FOXP2: variants seen among roughly 807,000 people sequenced by gnomAD.
FOXP2 encodes the protein forkhead box protein P2.
Under a neutral mutation model 115.8 loss-of-function variants are expected in FOXP2, and 12 were observed. That is an observed-to-expected ratio of 0.10 (90% CI 0.07 to 0.17). The LOEUF is 0.17. Ranked by LOEUF, FOXP2 falls within the 10% of genes least tolerant of loss-of-function variation. FOXP2 has a pLI of 1.00. For missense variants in FOXP2, 629 were observed against 843.5 expected (o/e 0.75, Z 3.15); for synonymous variants, 328 against 297.7 (o/e 1.10, Z -1.05).
intron 3 of FOXP2, among the ~76,000 whole-genome samples, chr7:114,586,057 T>C (rs901010091): frequency 1.3e-5 from 2 of 151,992 alleles, no homozygotes; most frequent in Non-Finnish European, 2.9e-5. Flanking sequence ...ACAAACCAAT[T>C]GTTTTGGGTA....
intron 1 of FOXP2, among the ~76,000 whole-genome samples, chr7:114,168,151 C>T (rs1793032649): frequency 6.6e-6 from 1 of 152,054 alleles, no homozygotes; most frequent in Non-Finnish European, 1.5e-5. Flanking sequence ...TGGACTAATA[C>T]AGTAAATTGG....
intron 1 of FOXP2, among the ~76,000 whole-genome samples, chr7:114,132,582 T>TGTGTGTGAGAGA (rs1554419465): frequency 5.4e-5 from 3 of 55,994 alleles, no homozygotes; most frequent in African/African-American, 2.4e-4. Context: ...TGTGTGTGTG[T>TGTGTGTGAGAGA]GAGAGAGAGA....
At chr7:114,457,876 G>A (rs562345815) in intron 2 of FOXP2, among the ~76,000 whole-genome samples, 42 of 142,746 alleles carry the variant, frequency 2.9e-4, no homozygotes, top group African/African-American at 1.0e-3. Context: ...CCAGCTGGGC[G>A]ACAGCGAGAC....
chr7:114,285,674 C>T (rs762664772), intron 1 of FOXP2, among the ~76,000 whole-genome samples: 13 of 152,038 alleles, frequency 8.6e-5, no homozygotes, highest in Admixed American at 5.3e-4. Flanking sequence ...CAAATTCATG[C>T]TCTTCTGATG....
chr7:114,301,680 T>G lies in FOXP2; in HGVS notation c.-11+13571T>G, dbSNP rs899578934. On this transcript the variant is annotated intron_variant, in intron 2 of 17. Transcript: ENST00000634411. ...GGCATTTTGCACTGGGTGTCTGTGA[T>G]CTCTTTTAAGTATAATATTTTGTAA... 4.6e-5 allele frequency among the ~76,000 whole-genome samples: 7 copies of G among 152,126 alleles called. No individual in the cohort carries two copies. In the East Asian group the frequency reaches 1.3e-3, roughly 29 times the overall value.
At chr7:114,576,156 G>T (rs1323091885) in intron 3 of FOXP2, among the ~76,000 whole-genome samples, 2 of 151,744 alleles carry the variant, frequency 1.3e-5, no homozygotes, top group Non-Finnish European at 2.9e-5. Flanking sequence ...CCATGTTTAG[G>T]GTTATTGTTA....
chr7:114,651,166 T>G (rs1373527410), intron 8 of FOXP2, among the ~76,000 whole-genome samples: 6 of 152,050 alleles, frequency 3.9e-5, no homozygotes, highest in Non-Finnish European at 8.8e-5. Context: ...ATTATATCAT[T>G]CTAAATGATA....
chr7:114,653,839 C>G, intron 9 of FOXP2, 87 bp from the exon 10 acceptor site: 1 of 1,351,520 alleles, frequency 7.4e-7, no homozygotes, highest in East Asian at 2.3e-5. Context: ...TATTCTGAGG[C>G]AAGCTCAATG....
At chr7:114,267,167 T>A (rs925109327) in intron 1 of FOXP2, among the ~76,000 whole-genome samples, 2 of 152,136 alleles carry the variant, frequency 1.3e-5, no homozygotes, top group Non-Finnish European at 2.9e-5. Context: ...CCCTGTAGAC[T>A]TACTGAAGAT....
chr7:114,644,345 G>GT (rs932517107), intron 7 of FOXP2, among the ~76,000 whole-genome samples: 1 of 151,904 alleles, frequency 6.6e-6, no homozygotes, highest in Admixed American at 6.6e-5. Flanking sequence ...GAAAATAAAG[G>GT]TTTTTTTCAC....
chr7:114,148,787 A>G (rs984515012), intron 1 of FOXP2, among the ~76,000 whole-genome samples: 2 of 152,174 alleles, frequency 1.3e-5, no homozygotes, highest in Non-Finnish European at 2.9e-5. Flanking sequence ...TTCATCAATC[A>G]CAAAGTGAAA....
intron 1 of FOXP2, among the ~76,000 whole-genome samples, chr7:114,186,855 G>A (rs1793620202): frequency 1.3e-5 from 2 of 152,186 alleles, no homozygotes; most frequent in African/African-American, 4.8e-5. Flanking sequence ...GACCCAAGCT[G>A]TGACTGGGCT....
chr7:114,503,185 G>T (rs1302430341), intron 2 of FOXP2, among the ~76,000 whole-genome samples: 1 of 151,872 alleles, frequency 6.6e-6, no homozygotes, highest in African/African-American at 2.4e-5. Context: ...TCCTGAGTCA[G>T]TCTGCTATTT....
At chr7:114,086,946 C>T (rs962117161), upstream of FOXP2, among the ~76,000 whole-genome samples, 5 of 152,086 alleles carry the variant, frequency 3.3e-5, no homozygotes, top group Admixed American at 6.5e-5. Context: ...AATGTTGCTT[C>T]GTCCGGAGAG....
chr7:114,237,601 C>T (rs1795044284), intron 1 of FOXP2, among the ~76,000 whole-genome samples: 1 of 152,044 alleles, frequency 6.6e-6, no homozygotes, highest in African/African-American at 2.4e-5. Context: ...AGTGTACTTC[C>T]ATTTTCAGTA....
At chr7:114,294,659 G>A (rs1038871464) in intron 2 of FOXP2, among the ~76,000 whole-genome samples, 1 of 151,882 alleles carries the variant, frequency 6.6e-6, no homozygotes, top group Non-Finnish European at 1.5e-5. Context: ...TGACCAACAT[G>A]GTGAAACTCC....
chr7:114,671,400 G>GAACTATACA (rs1200840100), intron 16 of FOXP2, among the ~76,000 whole-genome samples: 1 of 151,998 alleles, frequency 6.6e-6, no homozygotes, highest in Non-Finnish European at 1.5e-5. Flanking sequence ...GGGTTTTGAA[G>GAACTATACA]GATTTTTATA....
chr7:114,374,591 G>A (rs184801934), intron 2 of FOXP2, among the ~76,000 whole-genome samples: 14 of 152,190 alleles, frequency 9.2e-5, no homozygotes, highest in South Asian at 2.1e-4. Flanking sequence ...TGTATCCAGC[G>A]GAATTAAGGA....
chr7:114,333,810 C>T (rs1045426367), intron 2 of FOXP2, among the ~76,000 whole-genome samples: 1 of 151,940 alleles, frequency 6.6e-6, no homozygotes, highest in Non-Finnish European at 1.5e-5. Flanking sequence ...ATTGCTTGAA[C>T]CCAGTAGGCA....
Sources: allele counts gnomAD v4.1 joint callset (sites outside exome capture counted in the v4.1 genomes callset), GRCh38; gene constraint gnomAD v4.1.1; transcripts MANE v1.5; gene names NCBI Gene and HGNC (gene_info 2026-07-23, HGNC 2026-07-21).